Variants in SLC30A6 observed in about 807,000 individuals in gnomAD.
SLC30A6 encodes the protein solute carrier family 30 member 6.
Under a neutral mutation model 63.0 loss-of-function variants are expected in SLC30A6, and 55 were observed. The observed-to-expected ratio is 0.87, with a 90% CI of 0.70 to 1.09. The LOEUF is 1.09. SLC30A6 is among the 50% of genes least tolerant of loss of function. SLC30A6 has a pLI of 0.00. For synonymous variants in SLC30A6, 224 were observed against 186.1 expected, an observed-to-expected ratio of 1.20 and a Z score of -1.66; for missense variants, 587 against 549.2, an observed-to-expected ratio of 1.07 and a Z score of -0.69.
At chr2:32,216,586 A>AATG (rs1233304035) in intron 13 of SLC30A6, among the ~76,000 whole-genome samples, 1 of 146,818 alleles carries the variant, frequency 6.8e-6, no homozygotes, top group East Asian at 2.0e-4. Context: ...AATAAATAAT[A>AATG]ATAATGATAG....
intron 10 of SLC30A6, chr2:32,202,425 G>A (rs1015676569): frequency 1.9e-5 from 5 of 261,752 alleles, no homozygotes; most frequent in Admixed American, 5.0e-5. Context: ...CGCCGCCCGG[G>A]TTCACACCAT....
At chr2:32,180,602 T>G (rs1474089728) in intron 4 of SLC30A6, among the ~76,000 whole-genome samples, 1 of 151,872 alleles carries the variant, frequency 6.6e-6, no homozygotes, top group Non-Finnish European at 1.5e-5. Context: ...CCGGCTAATT[T>G]TTGTATTTTT....
intron 2 of SLC30A6, among the ~76,000 whole-genome samples, chr2:32,172,963 A>G (rs114812990): frequency 4.6e-5 from 7 of 152,202 alleles, no homozygotes; most frequent in African/African-American, 4.8e-5. Flanking sequence ...CTTCCCTCCT[A>G]TTTCTCTGGA....
intron 5 of SLC30A6, among the ~76,000 whole-genome samples, chr2:32,190,320 A>C (rs1356132720): frequency 1.3e-5 from 2 of 151,944 alleles, no homozygotes; most frequent in East Asian, 3.9e-4. Context: ...TTAGCCACAC[A>C]TGGTGGTGGG....
At position 32,220,842 on chromosome 2, in the gene SLC30A6, C is replaced by A; in HGVS notation, c.*129C>A. ...GATAATAGTAGTCTTGTTCACATTTCATGAAACCTATGAAACTATATTTTT... is the reference window on the plus strand; with the variant it reads ...GATAATAGTAGTCTTGTTCACATTTAATGAAACCTATGAAACTATATTTTT... On this transcript the variant is annotated 3_prime_UTR_variant, in exon 14 of 14. Transcript: ENST00000282587. 1.2e-6 allele frequency: 1 copy of A among 846,048 alleles called. No individual in the cohort carries two copies. Among genetic ancestry groups the A allele is most frequent in the East Asian group, 2.7e-5 (1 of 37,660 alleles). 52.4% of individuals were successfully genotyped at this position (846,048 alleles called of 1,614,324 possible).
At chr2:32,169,855 T>G (rs1036969559) in intron 1 of SLC30A6, among the ~76,000 whole-genome samples, 1 of 152,212 alleles carries the variant, frequency 6.6e-6, no homozygotes, top group Non-Finnish European at 1.5e-5. Context: ...TGATTTCACA[T>G]TAACAATACA....
intron 2 of SLC30A6, among the ~76,000 whole-genome samples, 159 bp downstream of exon 2, chr2:32,171,532 T>C (rs1681212314): frequency 6.6e-6 from 1 of 152,126 alleles, no homozygotes; most frequent in Non-Finnish European, 1.5e-5. Flanking sequence ...AAAATTGCAG[T>C]TGTTTGGTGT....
chr2:32,194,772 T>A (rs891268142), intron 8 of SLC30A6, among the ~76,000 whole-genome samples: 2 of 152,316 alleles, frequency 1.3e-5, no homozygotes, highest in African/African-American at 4.8e-5. Flanking sequence ...ATAAATTGTG[T>A]TTGTATGAGT....
In SLC30A6 at chr2:32,213,805, T is replaced by G. The variant is rs567100775; in HGVS notation, c.885+4244T>G. Among the ~76,000 whole-genome samples the G allele has an allele frequency of 8.6e-4, 109 of 126,394 alleles. 6 individuals are homozygous for G. Among genetic ancestry groups the G allele is most frequent in the South Asian group, 9.9e-4 (4 of 4,026 alleles). 82.9% of individuals were successfully genotyped at this position (126,394 alleles called of 152,430 possible). ...ACAGGTCTAGGATAAACTTTTTTTT[T>G]TTTTTGTTTTTGTTTTGAGACGGAG... On this transcript the variant is annotated intron_variant, in intron 13 of 13. Transcript: ENST00000282587.
chr2:32,197,295 TG>T, intron 8 of SLC30A6, 48 bp from the exon 9 acceptor site: 1 of 1,446,164 alleles, frequency 6.9e-7, no homozygotes, highest in Non-Finnish European at 9.4e-7. Flanking sequence ...TTTCAGGTAG[TG>T]GTTTTTTTTT....
chr2:32,218,450 A>C (rs212699), intron 13 of SLC30A6, among the ~76,000 whole-genome samples: 1 of 151,588 alleles, frequency 6.6e-6, no homozygotes, highest in Non-Finnish European at 1.5e-5. Flanking sequence ...TTCCATTACT[A>C]CCTCTGGAAT....
chr2:32,169,346 T>G (rs777506776), intron 1 of SLC30A6, among the ~76,000 whole-genome samples: 30 of 152,084 alleles, frequency 2.0e-4, no homozygotes, highest in Non-Finnish European at 2.9e-4. Context: ...TTTTTTTCTT[T>G]TCAATTTTTT....
In SLC30A6 at chr2:32,192,918, T is replaced by C. The variant is rs1180538746; in HGVS notation, c.366T>C (p.Ser122=). 1.3e-6 allele frequency: 2 copies of C among 1,527,628 alleles called. No homozygotes were observed. The highest frequency in any genetic ancestry group is 1.8e-6 in the Non-Finnish European group (2 of 1,125,200). The allele number at this position is 1,527,628 out of a possible 1,614,324, so 94.6% of individuals were successfully genotyped here. The change falls in exon 7 of 14, where the codon AGT becomes AGC. Residue 122 remains serine (S), a splice_region_variant and synonymous_variant. Transcript: ENST00000282587. ...TTTAATATATTTTTATTTCTTATAG[T>C]GCAGAACGCTTTTTGGAACAGCCCG... ...QLGALFILKE[S]AERFLEQPEI... is the part of the protein sequence containing the mutation.
chr2:32,198,902 T>C (rs903710585), intron 10 of SLC30A6, among the ~76,000 whole-genome samples: 21 of 152,140 alleles, frequency 1.4e-4, no homozygotes, highest in Non-Finnish European at 2.5e-4. Flanking sequence ...TTTGGTGACA[T>C]TGCATGCAGC....
chr2:32,204,531 A>C (rs1684572145), intron 10 of SLC30A6, 59 bp from the exon 11 acceptor site: 1 of 1,153,560 alleles, frequency 8.7e-7, no homozygotes, highest in African/African-American at 1.5e-5. Flanking sequence ...CAGGAGATTT[A>C]ATTGTAATAT....
chr2:32,183,452 C>T (rs529047347), intron 4 of SLC30A6, among the ~76,000 whole-genome samples: 1 of 151,902 alleles, frequency 6.6e-6, no homozygotes, highest in South Asian at 2.1e-4. Flanking sequence ...GTGGCCAAGG[C>T]AGGTGGATCA....
chr2:32,200,278 G>A (rs1684172509), intron 10 of SLC30A6, among the ~76,000 whole-genome samples: 2 of 151,406 alleles, frequency 1.3e-5, no homozygotes, highest in Non-Finnish European at 2.9e-5. Context: ...CTTTTATTTT[G>A]TCACTAATGT....
chr2:32,188,364 A>G (rs969960806), intron 5 of SLC30A6, among the ~76,000 whole-genome samples: 1 of 152,304 alleles, frequency 6.6e-6, no homozygotes, highest in South Asian at 2.1e-4. Flanking sequence ...AACTTACCAA[A>G]CAAGGTATTT....
chr2:32,215,659 C>G (rs1685641943), intron 13 of SLC30A6, among the ~76,000 whole-genome samples: 1 of 151,114 alleles, frequency 6.6e-6, no homozygotes, highest in Admixed American at 6.6e-5. Context: ...ATCCTTGATA[C>G]TTGTCTCTGT....
Sources: allele counts gnomAD v4.1 joint callset (sites outside exome capture counted in the v4.1 genomes callset), GRCh38; gene constraint gnomAD v4.1.1; transcripts MANE v1.5; gene names NCBI Gene and HGNC (gene_info 2026-07-23, HGNC 2026-07-21).